PRDM16: variants seen among roughly 807,000 people sequenced by gnomAD.
The protein encoded by PRDM16 is PR/SET domain 16, also known as histone-lysine N-methyltransferase PRDM16.
Under a neutral mutation model 110.6 loss-of-function variants are expected in PRDM16, and 23 were observed. The observed-to-expected ratio is 0.21, with a 90% CI of 0.15 to 0.29. The LOEUF is 0.29. PRDM16 is among the 10% of genes least tolerant of loss of function. The pLI is 1.00. For missense variants in PRDM16, 1,615 were observed against 1,794.3 expected, an observed-to-expected ratio of 0.90 and a Z score of 1.81; for synonymous variants, 799 against 781.8, an observed-to-expected ratio of 1.02 and a Z score of -0.37.
intron 2 of PRDM16, among the ~76,000 whole-genome samples, chr1:3,229,189 G>A (rs1244484475): frequency 1.3e-5 from 2 of 152,142 alleles, no homozygotes; most frequent in African/African-American, 4.8e-5. Flanking sequence ...AGAGGAAGGC[G>A]CCTCTTCCGC....
In PRDM16 at chr1:3,081,384, G is replaced by A. The variant is rs957499012; in HGVS notation, c.37+12088G>A. The stretch of plus-strand genomic sequence containing the variant: ...AGGGAACGAGGGGCTGGTGGCCACG[G>A]TGGGCGTGAGAGGCCCATTCCTGCA... On this transcript the variant is annotated intron_variant, in intron 1 of 16. Coordinates refer to ENST00000270722, the MANE Select transcript of PRDM16 (RefSeq NM_022114.4). The surrounding 1 kb of genome is among the most constrained non-coding windows in gnomAD (Gnocchi z 4.6). Among the ~76,000 whole-genome samples, 1 of 152,212 alleles carries A rather than the reference G, an allele frequency of 6.6e-6. No homozygotes were observed. The highest frequency in any genetic ancestry group is 2.4e-5 in the African/African-American group (1 of 41,470).
chr1:3,171,633 C>T (rs1373130951), intron 1 of PRDM16, among the ~76,000 whole-genome samples: 1 of 152,240 alleles, frequency 6.6e-6, no homozygotes, highest in African/African-American at 2.4e-5. Context: ...TGGCCACGAG[C>T]TGAGCTGGCT....
At chr1:3,182,779 G>A (rs1392740582) in intron 1 of PRDM16, among the ~76,000 whole-genome samples, 1 of 152,154 alleles carries the variant, frequency 6.6e-6, no homozygotes, top group East Asian at 1.9e-4. Flanking sequence ...CTCAAAGCAG[G>A]GCCTCTCCGT....
chr1:3,225,557 T>C (rs1477918710), intron 2 of PRDM16, among the ~76,000 whole-genome samples: 20 of 147,310 alleles, frequency 1.4e-4, no homozygotes, highest in African/African-American at 4.5e-4. Flanking sequence ...TGTGTGTGTG[T>C]GTGTGTGTGT....
At position 3,209,446 on chromosome 1, in the gene PRDM16, G is replaced by A. The variant is rs1442854329; in HGVS notation, c.387+22972G>A. 2.0e-5 allele frequency among the ~76,000 whole-genome samples: 3 copies of A among 152,118 alleles called. No individual in the cohort carries two copies. The highest frequency in any genetic ancestry group is 4.4e-5 in the Non-Finnish European group (3 of 68,006). On this transcript the variant is annotated intron_variant, in intron 2 of 16. Transcript: ENST00000270722. This position sits in a 1 kb window ranked among gnomAD's most constrained non-coding sequence, Gnocchi z 4.6. ...CTTCTTCCTGGGGAGGCCTGTGAAG[G>A]TCGCGTGAATGCCTGTGTCCCCCGG...
intron 1 of PRDM16, among the ~76,000 whole-genome samples, chr1:3,084,598 C>T (rs565082921): frequency 6.6e-6 from 1 of 152,298 alleles, no homozygotes; most frequent in African/African-American, 2.4e-5. Context: ...ATGGAGGCCG[C>T]TGTCCCTGGA....
At chr1:3,273,628 GTGCA>G (rs1218396914) in intron 3 of PRDM16, among the ~76,000 whole-genome samples, 1 of 152,170 alleles carries the variant, frequency 6.6e-6, no homozygotes, top group East Asian at 1.9e-4. Flanking sequence ...AAGTGTGTGT[GTGCA>G]TGCATGTGTG....
intron 2 of PRDM16, among the ~76,000 whole-genome samples, chr1:3,197,391 A>G (rs563969599): frequency 2.6e-5 from 4 of 152,214 alleles, no homozygotes; most frequent in South Asian, 2.1e-4. Context: ...ACTCAGTCCA[A>G]TTGTCCCTTG....
rs531887736 is a variant in PRDM16, at chr1:3,434,967, G to C, written c.*1156G>C. On this transcript the variant is annotated 3_prime_UTR_variant, in exon 17 of 17. Coordinates refer to ENST00000270722, the MANE Select transcript of PRDM16 (RefSeq NM_022114.4). ...CTCCGGGCCACCAAGCCGCACCTGTGCCTGAGACTCCGGATGGACGACACA... is the reference window on the plus strand; with the variant it reads ...CTCCGGGCCACCAAGCCGCACCTGTCCCTGAGACTCCGGATGGACGACACA... The C allele has an allele frequency of 4.4e-6, 1 of 229,762 alleles. No homozygotes were observed. Among genetic ancestry groups the C allele is most frequent in the East Asian group, 6.2e-5 (1 of 16,206 alleles). 14.2% of individuals were successfully genotyped at this position (229,762 alleles called of 1,614,324 possible).
chr1:3,212,787 G>A (rs115688827), intron 2 of PRDM16, among the ~76,000 whole-genome samples: 8 of 151,982 alleles, frequency 5.3e-5, no homozygotes, highest in South Asian at 4.2e-4. Context: ...CCGCTACCTC[G>A]GCGTGGCTCT....
chr1:3,193,087 G>A (rs761633388), intron 2 of PRDM16, among the ~76,000 whole-genome samples: 13 of 151,518 alleles, frequency 8.6e-5, no homozygotes, highest in African/African-American at 2.2e-4. Context: ...CTGAGCAGAC[G>A]CAGCGGCCAG....
chr1:3,135,717 C>T (rs1203423481), intron 1 of PRDM16, among the ~76,000 whole-genome samples: 2 of 152,232 alleles, frequency 1.3e-5, no homozygotes, highest in Non-Finnish European at 2.9e-5. Flanking sequence ...GGGGCTTAGG[C>T]GTAATTATAG....
At chr1:3,132,651 C>T (rs183802842) in intron 1 of PRDM16, among the ~76,000 whole-genome samples, 13 of 152,340 alleles carry the variant, frequency 8.5e-5, no homozygotes, top group African/African-American at 3.1e-4. Context: ...GTTCTAGAGC[C>T]ACCCGGTTCA....
At chr1:3,301,445 T>C (rs1256860930) in intron 3 of PRDM16, among the ~76,000 whole-genome samples, 1 of 152,166 alleles carries the variant, frequency 6.6e-6, no homozygotes, top group African/African-American at 2.4e-5. Context: ...GGATATGTGC[T>C]TTAGAGAAAA....
intron 3 of PRDM16, among the ~76,000 whole-genome samples, chr1:3,313,841 G>A (rs1330632571): frequency 6.6e-6 from 1 of 152,262 alleles, no homozygotes; most frequent in Non-Finnish European, 1.5e-5. Flanking sequence ...GTAGTGCAGC[G>A]AATCTGGACC....
intron 2 of PRDM16, among the ~76,000 whole-genome samples, chr1:3,234,092 G>A (rs555575744): frequency 6.6e-6 from 1 of 152,146 alleles, no homozygotes; most frequent in Admixed American, 6.5e-5. Context: ...GATTGGGTCG[G>A]TCCCGGTGTC....
intron 3 of PRDM16, among the ~76,000 whole-genome samples, chr1:3,331,140 A>AG (rs1570088306): frequency 6.6e-6 from 1 of 152,144 alleles, no homozygotes; most frequent in South Asian, 2.1e-4. Flanking sequence ...TCGGCCTGGG[A>AG]GGGGGCCTTC....
rs180867466 is a variant in PRDM16 at position 3,180,647 on chromosome 1, G to A, written c.38-5478G>A. 9.8e-5 allele frequency among the ~76,000 whole-genome samples: 14 copies of A among 142,604 alleles called. No homozygotes were observed. In the East Asian group the frequency reaches 3.3e-3, roughly 33 times the overall value. 93.6% of individuals were successfully genotyped at this position (142,604 alleles called of 152,430 possible). A position where few individuals can be genotyped will look rare whatever the true frequency, so the allele number is the denominator to read the frequency against. ...AGCCCGGGGCAGCCGAGCGCCATTCGCTGCCTTGCCCTTGAGGGAGGGAGG... is the reference window on the plus strand; with the variant it reads ...AGCCCGGGGCAGCCGAGCGCCATTCACTGCCTTGCCCTTGAGGGAGGGAGG... On this transcript the variant is annotated intron_variant, in intron 1 of 16. Coordinates refer to ENST00000270722, the MANE Select transcript of PRDM16 (RefSeq NM_022114.4).
chr1:3,214,762 G>T (rs763985768), intron 2 of PRDM16, among the ~76,000 whole-genome samples: 1 of 152,240 alleles, frequency 6.6e-6, no homozygotes, highest in Non-Finnish European at 1.5e-5. Context: ...CCTGTTGGGT[G>T]CCTGGCCCTG....
Sources: gnomAD v4.1 joint callset for allele counts (sites outside exome capture counted in the v4.1 genomes callset) on GRCh38, gnomAD v4.1.1 for gene constraint, Gnocchi (gnomAD v3.1) non-coding constraint, MANE v1.5 for transcripts, NCBI Gene and HGNC (gene_info 2026-07-23, HGNC 2026-07-21) for gene names.